THSD7B: variants seen among roughly 807,000 people sequenced by gnomAD.
THSD7B encodes thrombospondin type 1 domain containing 7B, also known as thrombospondin type-1 domain-containing protein 7B.
In THSD7B, 138 loss-of-function variants were observed where a neutral mutation model predicts 213.6. That is an observed-to-expected ratio of 0.65 (90% confidence interval 0.56 to 0.74). THSD7B has a LOEUF of 0.74. Among genes scored for constraint, THSD7B ranks in the 30% least tolerant of loss-of-function variants. THSD7B has a pLI of 0.00. For missense variants in THSD7B, 1,931 were observed against 1,991.5 expected (o/e 0.97, Z 0.58); for synonymous variants, 742 against 687.0 (o/e 1.08, Z -1.25).
chr2:136,855,633 A>T (rs936606143), intron 1 of THSD7B, among the ~76,000 whole-genome samples: 6 of 111,358 alleles, frequency 5.4e-5, no homozygotes. Context: ...TTATTTATTT[A>T]TTTATTTTTT....
intron 27 of THSD7B, among the ~76,000 whole-genome samples, chr2:137,676,111 G>A (rs1017483626): frequency 3.9e-5 from 6 of 152,198 alleles, no homozygotes; most frequent in Non-Finnish European, 8.8e-5. Flanking sequence ...TCAGGTTCCA[G>A]GTCAGAGCAG....
intron 2 of THSD7B, among the ~76,000 whole-genome samples, chr2:136,974,714 C>A (rs1193408620): frequency 6.6e-6 from 1 of 152,124 alleles, no homozygotes; most frequent in Non-Finnish European, 1.5e-5. Flanking sequence ...GTTTTATACC[C>A]AGTAATGAGA....
At chr2:137,361,700 A>T (rs1685265237) in intron 12 of THSD7B, among the ~76,000 whole-genome samples, 1 of 152,216 alleles carries the variant, frequency 6.6e-6, no homozygotes, top group South Asian at 2.1e-4. Flanking sequence ...GTAAAAATAA[A>T]TGAACAAACT....
chr2:136,998,278 AAAAG>A lies in THSD7B; in HGVS notation c.140-58134_140-58131del, dbSNP rs1345350291. Reference sequence around the variant, plus strand: ...TAAAAGGCCAAAAAAAAAAAAAAAAAAAAGAAAGAAAAAAAGAAAAGACAAGACA... The same window carrying A: ...TAAAAGGCCAAAAAAAAAAAAAAAAAAAAGAAAAAAAGAAAAGACAAGACA... On this transcript the variant is annotated intron_variant, in intron 2 of 27. Coordinates refer to ENST00000409968, the MANE Select transcript of THSD7B (RefSeq NM_001316349.2). 2.2e-4 allele frequency among the ~76,000 whole-genome samples: 33 copies of A among 149,664 alleles called. No individual in the cohort carries two copies. The South Asian group carries it at 5.5e-3, about 25-fold the overall frequency.
intron 12 of THSD7B, among the ~76,000 whole-genome samples, chr2:137,309,119 A>T (rs1683826913): frequency 6.6e-6 from 1 of 152,148 alleles, no homozygotes; most frequent in South Asian, 2.1e-4. Flanking sequence ...ACAATAGCAT[A>T]GGACAGTGCC....
chr2:136,999,426 A>G (rs1685960095), intron 2 of THSD7B, among the ~76,000 whole-genome samples: 1 of 152,100 alleles, frequency 6.6e-6, no homozygotes, highest in Non-Finnish European at 1.5e-5. Flanking sequence ...GATTTTAGGT[A>G]AAAGTAATGT....
chr2:137,470,121 G>A (rs1176985354), intron 15 of THSD7B, among the ~76,000 whole-genome samples: 1 of 152,126 alleles, frequency 6.6e-6, no homozygotes, highest in Non-Finnish European at 1.5e-5. Flanking sequence ...ACACTTTATT[G>A]GCATAGAAGC....
At chr2:136,996,881 A>G (rs1032010371) in intron 2 of THSD7B, among the ~76,000 whole-genome samples, 1 of 152,194 alleles carries the variant, frequency 6.6e-6, no homozygotes, top group Non-Finnish European at 1.5e-5. Context: ...GACTAAATTG[A>G]AAACACTTAT....
At chr2:137,092,099 T>C (rs1687959090) in intron 3 of THSD7B, among the ~76,000 whole-genome samples, 1 of 152,166 alleles carries the variant, frequency 6.6e-6, no homozygotes, top group African/African-American at 2.4e-5. Flanking sequence ...AAAGGACTAA[T>C]ATTATCTAAA....
intron 2 of THSD7B, among the ~76,000 whole-genome samples, chr2:137,002,794 A>G (rs1414621140): frequency 6.6e-6 from 1 of 151,960 alleles, no homozygotes; most frequent in East Asian, 1.9e-4. Context: ...CATACTTCTC[A>G]TTACTTTAAA....
intron 15 of THSD7B, among the ~76,000 whole-genome samples, chr2:137,493,192 C>CTTTG (rs781143064): frequency 1.6e-4 from 22 of 141,092 alleles, no homozygotes; most frequent in Non-Finnish European, 2.6e-4. Context: ...AACAACAGTT[C>CTTTG]TTTGTTGTTG....
intron 1 of THSD7B, among the ~76,000 whole-genome samples, chr2:136,871,653 A>G (rs967712006): frequency 6.6e-6 from 1 of 152,230 alleles, no homozygotes; most frequent in African/African-American, 2.4e-5. Context: ...GAATGTATCC[A>G]TGATACCTTC....
intron 15 of THSD7B, chr2:137,512,266 G>A (rs1249504651): frequency 6.6e-6 from 1 of 151,096 alleles, no homozygotes; most frequent in Non-Finnish European, 1.5e-5. Flanking sequence ...TTCTATCAAG[G>A]CATTATTCAA....
chr2:136,821,609 C>T (rs1218119494), intron 1 of THSD7B, among the ~76,000 whole-genome samples: 1 of 152,084 alleles, frequency 6.6e-6, no homozygotes, highest in Non-Finnish European at 1.5e-5. Context: ...GGAGAAGGTC[C>T]CTTTCTTGGG....
chr2:137,117,738 G>A (rs1432215), intron 5 of THSD7B, among the ~76,000 whole-genome samples: 7,748 of 152,064 alleles, frequency 0.051, 222 homozygotes, highest in East Asian at 0.1. Context: ...TCTTGGGGGG[G>A]AAAAACAGAC....
intron 5 of THSD7B, among the ~76,000 whole-genome samples, chr2:137,147,808 G>A (rs564052379): frequency 6.6e-6 from 1 of 151,880 alleles, no homozygotes; most frequent in Admixed American, 6.6e-5. Context: ...CTTTCTTACC[G>A]GATCTTCCTG....
At chr2:136,815,522 A>C (rs1682454914) in intron 1 of THSD7B, among the ~76,000 whole-genome samples, 1 of 152,218 alleles carries the variant, frequency 6.6e-6, no homozygotes, top group African/African-American at 2.4e-5. Context: ...GAGATAACTT[A>C]TTAGATGCTT....
chr2:136,955,871 C>T (rs1207090369), intron 2 of THSD7B, among the ~76,000 whole-genome samples: 1 of 151,846 alleles, frequency 6.6e-6, no homozygotes, highest in Non-Finnish European at 1.5e-5. Flanking sequence ...GCTGGATGGT[C>T]TCGATCTCCT....
intron 2 of THSD7B, among the ~76,000 whole-genome samples, chr2:136,935,732 CA>C: frequency 6.6e-6 from 1 of 152,090 alleles, no homozygotes; most frequent in Non-Finnish European, 1.5e-5. Flanking sequence ...CGAAGTCTGT[CA>C]TACTCTGGGG....
Sources: allele counts gnomAD v4.1 joint callset (sites outside exome capture counted in the v4.1 genomes callset), GRCh38; gene constraint gnomAD v4.1.1; transcripts MANE v1.5; gene names NCBI Gene and HGNC (gene_info 2026-07-23, HGNC 2026-07-21).